Variants in ZNF385D observed in about 807,000 individuals in gnomAD.
ZNF385D encodes the protein zinc finger protein 659.
In ZNF385D, 15 loss-of-function variants were observed where a neutral mutation model predicts 35.8. The ratio of observed to expected loss-of-function variants is 0.42; its 90% CI spans 0.28 to 0.64. The LOEUF is 0.64. Ranked by LOEUF, ZNF385D falls within the 30% of genes least tolerant of loss-of-function variation. The pLI, the probability that ZNF385D is intolerant of heterozygous loss-of-function variation, is 0.23. For synonymous variants in ZNF385D, 212 were observed against 186.8 expected, an observed-to-expected ratio of 1.13 and a Z score of -1.10; for missense variants, 474 against 494.6, an observed-to-expected ratio of 0.96 and a Z score of 0.39.
chr3:22,056,474 T>G (rs1047528204), intron 3 of ZNF385D, among the ~76,000 whole-genome samples: 6 of 152,100 alleles, frequency 3.9e-5, no homozygotes, highest in Non-Finnish European at 8.8e-5. Flanking sequence ...ATACCCAAGA[T>G]AAAACTGTAG....
intron 3 of ZNF385D, among the ~76,000 whole-genome samples, chr3:22,145,436 C>T (rs563683497): frequency 6.6e-6 from 1 of 152,346 alleles, no homozygotes; most frequent in South Asian, 2.1e-4. Flanking sequence ...ATACACCTTG[C>T]TCTTTGAACT....
In ZNF385D at chr3:21,681,316, A is replaced by AAAAAAC. The variant is rs1553636420; in HGVS notation, c.23-16289_23-16288insGTTTTT. ...CCATCAGTAAAAAAAAAAAAAAAAA[A>AAAAAAC]AAAAAAAACCTACATTTTTGGCACA... On this transcript the variant is annotated intron_variant, in intron 1 of 7. Transcript: ENST00000281523. Among the ~76,000 whole-genome samples the AAAAAAC allele has an allele frequency of 1.7e-4, 24 of 141,784 alleles. 1 individual carries two copies. The highest frequency in any genetic ancestry group is 1.6e-3 in the Admixed American group (22 of 14,118). 93.0% of individuals were successfully genotyped at this position (141,784 alleles called of 152,430 possible). A position where few individuals can be genotyped will look rare whatever the true frequency, so the allele number is the denominator to read the frequency against.
At chr3:21,976,614 A>G (rs889060657) in intron 3 of ZNF385D, among the ~76,000 whole-genome samples, 2 of 152,218 alleles carry the variant, frequency 1.3e-5, no homozygotes, top group Admixed American at 1.3e-4. Flanking sequence ...TGTGTTATTT[A>G]TAACAGCCCC....
chr3:21,715,391 C>G (rs2068276316), intron 1 of ZNF385D, among the ~76,000 whole-genome samples: 1 of 152,136 alleles, frequency 6.6e-6, no homozygotes, highest in Non-Finnish European at 1.5e-5. Context: ...AGATAATGAC[C>G]TCCAGTTCCA....
At chr3:21,903,950 G>A (rs927001006) in intron 3 of ZNF385D, among the ~76,000 whole-genome samples, 1 of 152,064 alleles carries the variant, frequency 6.6e-6, no homozygotes, top group Non-Finnish European at 1.5e-5. Flanking sequence ...ACCATAGAGT[G>A]TATCAGCATG....
chr3:21,672,244 GTTTC>G (rs1342620152), intron 1 of ZNF385D, among the ~76,000 whole-genome samples: 1 of 151,960 alleles, frequency 6.6e-6, no homozygotes, highest in Non-Finnish European at 1.5e-5. Flanking sequence ...TTCTTTCGTT[GTTTC>G]TTTTTTTCTT....
chr3:22,094,284 T>C (rs1383628231), intron 3 of ZNF385D, among the ~76,000 whole-genome samples: 1 of 148,976 alleles, frequency 6.7e-6, no homozygotes, highest in Non-Finnish European at 1.5e-5. Flanking sequence ...TATTTATCCT[T>C]GAATGCACAC....
At chr3:21,527,759 T>TTAA (rs1553606379) in intron 3 of ZNF385D, among the ~76,000 whole-genome samples, 2 of 149,508 alleles carry the variant, frequency 1.3e-5, no homozygotes, top group African/African-American at 2.5e-5. Flanking sequence ...AAAACTATGT[T>TTAA]AAAAAAAAAA....
chr3:22,081,803 G>C (rs1202943782), intron 3 of ZNF385D, among the ~76,000 whole-genome samples: 1 of 152,088 alleles, frequency 6.6e-6, no homozygotes, highest in Admixed American at 6.6e-5. Flanking sequence ...AAAAAAGGTT[G>C]CTTACCTCTA....
At chr3:22,136,417 A>C (rs62248885) in intron 3 of ZNF385D, among the ~76,000 whole-genome samples, 25,920 of 152,014 alleles carry the variant, frequency 0.17, 2,858 homozygotes, top group Non-Finnish European at 0.25. Context: ...CAATCTACAT[A>C]TCATCAAAAT....
intron 3 of ZNF385D, among the ~76,000 whole-genome samples, chr3:21,951,925 T>C (rs1034678947): frequency 2.6e-5 from 4 of 151,622 alleles, no homozygotes; most frequent in African/African-American, 9.7e-5. Context: ...ATGTTATGTT[T>C]TTCCACAAAG....
chr3:22,011,342 C>A (rs760935101), intron 3 of ZNF385D, among the ~76,000 whole-genome samples: 2 of 152,160 alleles, frequency 1.3e-5, no homozygotes, highest in African/African-American at 4.8e-5. Flanking sequence ...TCCATCAGAG[C>A]TTTATCTCTG....
At chr3:22,042,170 C>G (rs1441409102) in intron 3 of ZNF385D, among the ~76,000 whole-genome samples, 3 of 152,198 alleles carry the variant, frequency 2.0e-5, no homozygotes, top group Middle Eastern at 3.4e-3. Flanking sequence ...CTACCTGGAT[C>G]CAAACTCTTT....
At chr3:21,504,998 G>A (rs548430542) in intron 4 of ZNF385D, among the ~76,000 whole-genome samples, 1 of 152,274 alleles carries the variant, frequency 6.6e-6, no homozygotes, top group South Asian at 2.1e-4. Flanking sequence ...ACAAGGCCAG[G>A]ATGTGGGTAG....
chr3:22,035,874 C>A (rs1018355702), intron 3 of ZNF385D, among the ~76,000 whole-genome samples: 1 of 151,822 alleles, frequency 6.6e-6, no homozygotes, highest in Admixed American at 6.6e-5. Context: ...AGTGGAAACA[C>A]GTAGTTTGCC....
At chr3:22,198,786 A>G (rs1278169723) in intron 2 of ZNF385D, among the ~76,000 whole-genome samples, 2 of 152,112 alleles carry the variant, frequency 1.3e-5, no homozygotes, top group African/African-American at 2.4e-5. Flanking sequence ...CAATCTTCAT[A>G]TATGAGATCT....
intron 3 of ZNF385D, among the ~76,000 whole-genome samples, chr3:22,154,927 T>C (rs1487796098): frequency 2.0e-5 from 3 of 152,200 alleles, no homozygotes; most frequent in African/African-American, 7.2e-5. Flanking sequence ...ACAAATTGAT[T>C]GTAGTTGAAC....
At chr3:21,936,675 G>A (rs2125261437) in intron 3 of ZNF385D, among the ~76,000 whole-genome samples, 2 of 152,056 alleles carry the variant, frequency 1.3e-5, no homozygotes, top group Admixed American at 1.3e-4. Flanking sequence ...TGTATACCCA[G>A]TTATTAGCAT....
At chr3:21,763,792 T>C (rs80102029) in intron 3 of ZNF385D, among the ~76,000 whole-genome samples, 11,614 of 152,302 alleles carry the variant, frequency 0.076, 598 homozygotes, top group South Asian at 0.14. Flanking sequence ...TAATCTCTGC[T>C]TTGGTATTAC....
Sources: gnomAD v4.1 joint callset for allele counts (sites outside exome capture counted in the v4.1 genomes callset) on GRCh38, gnomAD v4.1.1 for gene constraint, MANE v1.5 for transcripts, NCBI Gene and HGNC (gene_info 2026-07-23, HGNC 2026-07-21) for gene names.